The following WSCD2 variants were observed in gnomAD, a reference collection of about 807,000 sequenced individuals.
The protein encoded by WSCD2 is WSC domain sialate O sulfotransferase 2, also known as sialate:O-sulfotransferase 2.
WSCD2 carries 28 observed loss-of-function variants against 55.7 expected under a neutral mutation model. The ratio of observed to expected loss-of-function variants is 0.50; its 90% CI spans 0.37 to 0.69. WSCD2 has a LOEUF of 0.69. WSCD2 is among the 30% of genes least tolerant of loss of function. WSCD2 has a pLI of 0.00. For synonymous variants in WSCD2, 301 were observed against 301.9 expected, an observed-to-expected ratio of 1.00 and a Z score of 0.03; for missense variants, 616 against 762.1, an observed-to-expected ratio of 0.81 and a Z score of 2.26.
chr12:108,240,547 ACAGCTC>A lies in WSCD2; in HGVS notation c.1345+4_1345+9del. 7.3e-7 allele frequency: 1 copy of A among 1,361,258 alleles called. No individual in the cohort carries two copies. Among genetic ancestry groups the A allele is most frequent in the Non-Finnish European group, 9.8e-7 (1 of 1,023,820 alleles). The allele number at this position is 1,361,258 out of a possible 1,614,324, so 84.3% of individuals were successfully genotyped here. On this transcript the variant is annotated splice_donor_5th_base_variant and intron_variant, in intron 8 of 8. Transcript: ENST00000547525. ...GCATGCCCACTGGAAGGGCAAAGGTACAGCTCGGGAGAGGAGGGGAGGGGAGGGGAG... is the reference window on the plus strand; with the variant it reads ...GCATGCCCACTGGAAGGGCAAAGGTAGGGAGAGGAGGGGAGGGGAGGGGAG...
At chr12:108,201,669 T>G (rs1884700065) in intron 2 of WSCD2, among the ~76,000 whole-genome samples, 1 of 152,156 alleles carries the variant, frequency 6.6e-6, no homozygotes, top group Admixed American at 6.5e-5. Flanking sequence ...CAGATCTGGT[T>G]AGATCTGGTT....
intron 1 of WSCD2, among the ~76,000 whole-genome samples, chr12:108,147,050 C>T (rs1010578215): frequency 1.3e-5 from 2 of 152,162 alleles, no homozygotes; most frequent in African/African-American, 2.4e-5. Flanking sequence ...CAACTGGTTG[C>T]GGTTTGCCTA....
chr12:108,177,647 G>A (rs371971171), intron 1 of WSCD2, among the ~76,000 whole-genome samples: 8 of 152,148 alleles, frequency 5.3e-5, no homozygotes, highest in Admixed American at 1.3e-4. Context: ...ACAGCTGGGC[G>A]TGGTGGCTCA....
chr12:108,173,915 C>T (rs551156059), intron 1 of WSCD2, among the ~76,000 whole-genome samples: 3 of 151,260 alleles, frequency 2.0e-5, no homozygotes, highest in African/African-American at 7.3e-5. Flanking sequence ...ATAAATTCAC[C>T]TCTATCTCCA....
chr12:108,227,141 T>C lies in WSCD2; in HGVS notation c.956T>C (p.Ile319Thr), dbSNP rs746477877. The C allele has an allele frequency of 4.3e-6, 7 of 1,613,878 alleles. No homozygotes were observed. The highest frequency in any genetic ancestry group is 1.3e-5 in the African/African-American group (1 of 74,926). The stretch of plus-strand genomic sequence containing the variant: ...AGCTGCGGGACTCCTAGTTACTTCA[T>C]TGTGTACCAGACACAAGTCCAAGGT... The part of the protein sequence containing the change: ...FESCGTPSYF[I>T]VYQTQVQDNR... The change falls in exon 6 of 9, where the codon ATT (isoleucine) becomes ACT (threonine). Residue 319 changes from isoleucine to threonine, a missense_variant. Around this residue, in one of 3 missense-constraint regions of WSCD2, gnomAD observed 374 missense variants for 467.4 expected, o/e 0.80. Transcript: ENST00000547525.
rs191168534 is a variant in WSCD2 at position 108,195,586 on chromosome 12, C to G, written c.-247C>G. ...TGTGTGTTCTGAGCCTCAAAACCCC[C>G]TTGTTGGCCCAAAGAAGCTCACCTT... On this transcript the variant is annotated 5_prime_UTR_variant, in exon 2 of 9. Transcript: ENST00000547525. 1.9e-6 allele frequency: 1 copy of G among 540,330 alleles called. No homozygotes were observed. The highest frequency in any genetic ancestry group is 3.5e-5 in the Admixed American group (1 of 28,696). The allele number at this position is 540,330 out of a possible 1,614,324, so 33.5% of individuals were successfully genotyped here.
Position 108,210,397 on chromosome 12 carries a change from C to G in WSCD2, c.682+92C>G. ...GTCCCACATGTCTGCCCTGTACCCT[C>G]CATGGCTCCCCATCACTCCAAGGCC... On this transcript the variant is annotated intron_variant, in intron 4 of 8. Coordinates refer to ENST00000547525, the MANE Select transcript of WSCD2 (RefSeq NM_014653.4). The surrounding 1 kb of genome is among the most constrained non-coding windows in gnomAD (Gnocchi z 4.3). The G allele has an allele frequency of 2.1e-6, 3 of 1,435,968 alleles. No individual in the cohort carries two copies. The highest frequency in any genetic ancestry group is 2.8e-6 in the Non-Finnish European group (3 of 1,079,492). The allele number at this position is 1,435,968 out of a possible 1,614,324, so 89.0% of individuals were successfully genotyped here.
intron 4 of WSCD2, among the ~76,000 whole-genome samples, chr12:108,212,613 TCACA>T (rs71823965): frequency 1.6e-4 from 22 of 138,618 alleles, no homozygotes; most frequent in African/African-American, 4.3e-4. Context: ...TCTCTCTCTC[TCACA>T]CACACACACA....
chr12:108,237,797 T>A (rs1889388543), intron 7 of WSCD2, among the ~76,000 whole-genome samples: 1 of 152,238 alleles, frequency 6.6e-6, no homozygotes, highest in African/African-American at 2.4e-5. Context: ...TCTAGGTTTT[T>A]TGTTTTTGTT....
In WSCD2 at chr12:108,196,017, C is replaced by T. The variant is rs1270395377; in HGVS notation, c.185C>T (p.Ala62Val). 2.5e-6 allele frequency: 4 copies of T among 1,614,122 alleles called. No individual in the cohort carries two copies. In the African/African-American group the frequency reaches 4.0e-5, roughly 16 times the overall value. ...GCTGCAGGAGGCCCAGCTGAGGGTG[C>T]TGAGCTGTCCTTCTTGGGTGACATG... ...PAAAGGPAEG[A>V]ELSFLGDMHL... Residue 62 changes from alanine to valine, a missense_variant, in exon 2 of 9, where the codon GCT (alanine) becomes GTT (valine). Ala to Val is a moderately conservative substitution (Grantham distance 64). Transcript: ENST00000547525.
chr12:108,174,546 AAC>A (rs1323345325), intron 1 of WSCD2, among the ~76,000 whole-genome samples: 1 of 152,216 alleles, frequency 6.6e-6, no homozygotes, highest in African/African-American at 2.4e-5. Flanking sequence ...AAAGCTAATG[AAC>A]ACTGGGTCAT....
chr12:108,184,068 G>C (rs1000923113), intron 1 of WSCD2, among the ~76,000 whole-genome samples: 1 of 152,190 alleles, frequency 6.6e-6, no homozygotes, highest in African/African-American at 2.4e-5. Flanking sequence ...CTGGGTCTGG[G>C]TAGAGTCACC....
chr12:108,241,683 G>A (rs1346173), intron 8 of WSCD2, among the ~76,000 whole-genome samples: 87,875 of 152,064 alleles, frequency 0.58, 25,914 homozygotes, highest in Non-Finnish European at 0.65. Flanking sequence ...AGGTTTTGGT[G>A]AGAGGATAGA....
Position 108,248,611 on chromosome 12 carries a change from G to C in WSCD2, c.*268G>C. 8.2e-7 allele frequency: 1 copy of C among 1,214,348 alleles called. No homozygotes were observed. Among genetic ancestry groups the C allele is most frequent in the Non-Finnish European group, 1.0e-6 (1 of 969,284 alleles). The allele number at this position is 1,214,348 out of a possible 1,614,324, so 75.2% of individuals were successfully genotyped here. On this transcript the variant is annotated 3_prime_UTR_variant, in exon 9 of 9. Transcript: ENST00000547525. This position sits in a 1 kb window ranked among gnomAD's most constrained non-coding sequence, Gnocchi z 4.3. ...GTTCTAGTTACATGGACTCTTTTCT[G>C]TCTCCTGGGTCCCTGCCCCCACCAC...
At chr12:108,162,036 C>A (rs1372225951) in intron 1 of WSCD2, among the ~76,000 whole-genome samples, 1 of 152,190 alleles carries the variant, frequency 6.6e-6, no homozygotes, top group Non-Finnish European at 1.5e-5. Flanking sequence ...CTGAGGCTCA[C>A]AGAGGGAAGA....
At chr12:108,219,446 T>A (rs1172450486) in intron 4 of WSCD2, among the ~76,000 whole-genome samples, 1 of 152,142 alleles carries the variant, frequency 6.6e-6, no homozygotes, top group Non-Finnish European at 1.5e-5. Flanking sequence ...CTCACACCCT[T>A]TCATACACAG....
At chr12:108,153,414 C>T (rs1878211787) in intron 1 of WSCD2, among the ~76,000 whole-genome samples, 1 of 152,208 alleles carries the variant, frequency 6.6e-6, no homozygotes, top group Non-Finnish European at 1.5e-5. Context: ...GTCTCTACCC[C>T]TCATTGGTTC....
chr12:108,187,328 T>C (rs1343249340), intron 1 of WSCD2, among the ~76,000 whole-genome samples: 1 of 152,204 alleles, frequency 6.6e-6, no homozygotes, highest in Non-Finnish European at 1.5e-5. Flanking sequence ...CATTGAACCT[T>C]TATCTTTTTC....
At chr12:108,152,470 G>C (rs1028299328) in intron 1 of WSCD2, among the ~76,000 whole-genome samples, 21 of 152,164 alleles carry the variant, frequency 1.4e-4, no homozygotes, top group African/African-American at 4.8e-4. Context: ...GAGAAATACA[G>C]GGTCGGGCAG....
Sources: gnomAD v4.1 joint callset for allele counts (sites outside exome capture counted in the v4.1 genomes callset) on GRCh38, gnomAD v4.1.1 for gene constraint, gnomAD v4.1.1 regional missense constraint, Gnocchi (gnomAD v3.1) non-coding constraint, MANE v1.5 for transcripts, NCBI Gene and HGNC (gene_info 2026-07-23, HGNC 2026-07-21) for gene names.